SH2D4B: variants seen among roughly 807,000 people sequenced by gnomAD.
The protein encoded by SH2D4B is SH2 domain containing 4B.
SH2D4B carries 45 observed loss-of-function variants against 61.5 expected under a neutral mutation model. The observed-to-expected ratio is 0.73, with a 90% confidence interval of 0.58 to 0.94. SH2D4B has a LOEUF of 0.94. SH2D4B is among the 40% of genes least tolerant of loss of function. The pLI is 0.00. For synonymous variants in SH2D4B, 224 were observed against 220.4 expected (o/e 1.02, Z -0.14); for missense variants, 572 against 574.2 (o/e 1.00, Z 0.04).
intron 4 of SH2D4B, among the ~76,000 whole-genome samples, chr10:80,596,203 C>T (rs1842383567): frequency 6.6e-6 from 1 of 152,238 alleles, no homozygotes; most frequent in African/African-American, 2.4e-5. Flanking sequence ...GAGTGTTCCC[C>T]TTGCTCATTG....
chr10:80,571,630 A>T, intron 3 of SH2D4B, 52 bp downstream of exon 3: 1 of 1,600,152 alleles, frequency 6.2e-7, no homozygotes, highest in South Asian at 1.1e-5. Flanking sequence ...AGCCCCTGAG[A>T]CCACTGGGGC....
intron 5 of SH2D4B, 85 bp downstream of exon 5, chr10:80,603,880 C>T: frequency 3.2e-6 from 4 of 1,255,556 alleles, no homozygotes; most frequent in South Asian, 1.4e-5. Flanking sequence ...CCCGGGTCTG[C>T]CCCAGATTTG....
At chr10:80,618,586 C>T (rs1048629247) in intron 6 of SH2D4B, among the ~76,000 whole-genome samples, 2 of 152,132 alleles carry the variant, frequency 1.3e-5, no homozygotes, top group Admixed American at 6.5e-5. Context: ...ATTCCAGCCT[C>T]CTTAATGATA....
At chr10:80,559,053 A>G (rs751745029) in intron 1 of SH2D4B, among the ~76,000 whole-genome samples, 1 of 152,020 alleles carries the variant, frequency 6.6e-6, no homozygotes, top group Admixed American at 6.6e-5. Flanking sequence ...CTAATGGTAT[A>G]TATTTTTGTT....
chr10:80,613,687 C>T (rs1349972071), intron 6 of SH2D4B, among the ~76,000 whole-genome samples: 1 of 152,168 alleles, frequency 6.6e-6, no homozygotes, highest in Non-Finnish European at 1.5e-5. Flanking sequence ...AACGGGGGAC[C>T]CCACCTGGGA....
At chr10:80,545,802 G>T (rs1334405736) in intron 1 of SH2D4B, among the ~76,000 whole-genome samples, 1 of 152,122 alleles carries the variant, frequency 6.6e-6, no homozygotes, top group Non-Finnish European at 1.5e-5. Context: ...TGAGTGAAAG[G>T]CTGTGTGCTG....
chr10:80,549,211 G>A lies in SH2D4B; in HGVS notation c.184+10696G>A, dbSNP rs1037707851. Among the ~76,000 whole-genome samples the A allele has an allele frequency of 3.6e-3, 534 of 148,890 alleles. 6 individuals carry two copies. Among genetic ancestry groups the A allele is most frequent in the African/African-American group, 0.013 (519 of 40,350 alleles). ...GCTGTGATGGGACTTGATTGTGTGTGTGTGTGTGTGTGTGTGTGTGTGTGT... is the reference window on the plus strand; with the variant it reads ...GCTGTGATGGGACTTGATTGTGTGTATGTGTGTGTGTGTGTGTGTGTGTGT... On this transcript the variant is annotated intron_variant, in intron 1 of 7. Coordinates refer to ENST00000646907, the MANE Select transcript of SH2D4B (RefSeq NM_001388272.1).
rs749395791 is a variant in SH2D4B, at chr10:80,588,625, T to C, written c.496-5T>C. 26 of 1,613,438 alleles carry C rather than the reference T, an allele frequency of 1.6e-5. No homozygotes were observed. The highest frequency in any genetic ancestry group is 2.7e-5 in the African/African-American group (2 of 74,884). On this transcript the variant is annotated splice_region_variant and splice_polypyrimidine_tract_variant and intron_variant, in intron 3 of 7. Transcript: ENST00000646907. The stretch of plus-strand genomic sequence containing the variant: ...TCGTGTTGTTCTGTTCCCATGACAT[T>C]TTAGAGGAAAGAGGAAGAGGAGAGG...
chr10:80,617,860 G>A (rs1484336134), intron 6 of SH2D4B, among the ~76,000 whole-genome samples: 2 of 152,218 alleles, frequency 1.3e-5, no homozygotes, highest in Admixed American at 1.3e-4. Context: ...TCCAGCAGAA[G>A]AAAGGGCCTG....
At chr10:80,544,254 T>C (rs1403569093) in intron 1 of SH2D4B, among the ~76,000 whole-genome samples, 3 of 152,098 alleles carry the variant, frequency 2.0e-5, no homozygotes, top group Non-Finnish European at 2.9e-5. Flanking sequence ...TTAAGAGCTG[T>C]AACAGTCACC....
chr10:80,591,967 T>C, intron 4 of SH2D4B, among the ~76,000 whole-genome samples: 1 of 152,218 alleles, frequency 6.6e-6, no homozygotes, highest in Non-Finnish European at 1.5e-5. Flanking sequence ...TGCCACACTG[T>C]CTTCCAAAGT....
At chr10:80,572,181 G>A (rs1011876696) in intron 3 of SH2D4B, among the ~76,000 whole-genome samples, 1 of 152,134 alleles carries the variant, frequency 6.6e-6, no homozygotes, top group African/African-American at 2.4e-5. Context: ...AATCAGAACC[G>A]GGGCCTTTTG....
rs7905417 is a variant in SH2D4B, at chr10:80,626,316, G to T, written c.989-7969G>T. Among the ~76,000 whole-genome samples the T allele has an allele frequency of 7.9e-3, 1,201 of 152,084 alleles. 20 individuals are homozygous for T. The highest frequency in any genetic ancestry group is 0.027 in the African/African-American group (1,128 of 41,506). On this transcript the variant is annotated intron_variant, in intron 6 of 7. Transcript: ENST00000646907. ...GCATACTTGAAACTTTTATTCCATT[G>T]TTCTCTGGCTTTTATGGTTGCAACT...
intron 3 of SH2D4B, among the ~76,000 whole-genome samples, chr10:80,587,135 T>G (rs1446994517): frequency 6.0e-5 from 4 of 66,914 alleles, no homozygotes; most frequent in African/African-American, 5.4e-4. Flanking sequence ...GCCACGTTTT[T>G]TTTTTTTTTT....
chr10:80,600,590 A>T (rs757030787), intron 4 of SH2D4B, among the ~76,000 whole-genome samples: 4 of 151,382 alleles, frequency 2.6e-5, no homozygotes, highest in Non-Finnish European at 4.4e-5. Flanking sequence ...AAAGTAAGGA[A>T]AGTAGGCAGG....
chr10:80,614,936 G>C (rs929866557), intron 6 of SH2D4B, among the ~76,000 whole-genome samples: 1 of 152,254 alleles, frequency 6.6e-6, no homozygotes, highest in Admixed American at 6.5e-5. Context: ...TGAGGTGTAA[G>C]CAATGGTGAT....
intron 6 of SH2D4B, among the ~76,000 whole-genome samples, chr10:80,615,291 G>A (rs1303118364): frequency 2.0e-5 from 3 of 152,244 alleles, no homozygotes; most frequent in African/African-American, 7.2e-5. Flanking sequence ...GAGGACCAGA[G>A]AGCTTGAGAA....
rs972434001 is a variant in SH2D4B at position 80,577,430 on chromosome 10, G to T, written c.495+5852G>T. On this transcript the variant is annotated intron_variant, in intron 3 of 7. Transcript: ENST00000646907. ...GTTGTTTTAGACCACTGAATTTTCT[G>T]TTTTTTTTTTTTTTGAGACGGAGTC... is the stretch of plus-strand genomic sequence containing the variant. Among the ~76,000 whole-genome samples, 18 of 143,944 alleles carry T rather than the reference G, an allele frequency of 1.3e-4. No homozygotes were observed. In the South Asian group the frequency reaches 3.5e-3, roughly 28 times the overall value. The allele number at this position is 143,944 out of a possible 152,430, so 94.4% of individuals were successfully genotyped here.
rs563309693 is a variant in SH2D4B at position 80,587,141 on chromosome 10, T to G, written c.496-1489T>G. On this transcript the variant is annotated intron_variant, in intron 3 of 7. Coordinates refer to ENST00000646907, the MANE Select transcript of SH2D4B (RefSeq NM_001388272.1). ...CCAATTCCGGCCACGTTTTTTTTTT[T>G]TTTTGTTTTGTTTTTTTTTTTTTTT... Among the ~76,000 whole-genome samples the G allele has an allele frequency of 2.9e-3, 155 of 53,614 alleles. 3 individuals are homozygous for G. Among genetic ancestry groups the G allele is most frequent in the South Asian group, 0.016 (33 of 2,088 alleles). The allele number at this position is 53,614 out of a possible 152,430, so 35.2% of individuals were successfully genotyped here.
Sources: allele counts gnomAD v4.1 joint callset (sites outside exome capture counted in the v4.1 genomes callset), GRCh38; gene constraint gnomAD v4.1.1; transcripts MANE v1.5; gene names NCBI Gene and HGNC (gene_info 2026-07-23, HGNC 2026-07-21).